MRPL30: variants seen among roughly 807,000 people sequenced by gnomAD.
The protein encoded by MRPL30 is large ribosomal subunit protein uL30m.
MRPL30 carries 10 observed loss-of-function variants against 17.2 expected under a neutral mutation model. The ratio of observed to expected loss-of-function variants is 0.58; its 90% confidence interval spans 0.36 to 0.99. The LOEUF (loss-of-function observed/expected upper bound fraction) is 0.99. MRPL30 is among the 50% of genes least tolerant of loss of function. The pLI is 0.01. For synonymous variants in MRPL30, 61 were observed against 62.1 expected, an observed-to-expected ratio of 0.98 and a Z score of 0.08; for missense variants, 170 against 189.8, an observed-to-expected ratio of 0.90 and a Z score of 0.61.
At chr2:99,184,392 A>T (rs1156862175) in intron 1 of MRPL30, among the ~76,000 whole-genome samples, 1 of 152,140 alleles carries the variant, frequency 6.6e-6, no homozygotes, top group Non-Finnish European at 1.5e-5. Context: ...GCCCATGTAT[A>T]TATGCATATC....
intron 1 of MRPL30, among the ~76,000 whole-genome samples, chr2:99,184,779 T>G (rs2093931219): frequency 1.3e-5 from 2 of 152,220 alleles, no homozygotes; most frequent in South Asian, 2.1e-4. Flanking sequence ...TAGGTTCAGT[T>G]GCTGAGGAAT....
intron 3 of MRPL30, among the ~76,000 whole-genome samples, chr2:99,188,835 G>A (rs963896455): frequency 6.6e-6 from 1 of 151,926 alleles, no homozygotes; most frequent in Admixed American, 6.6e-5. Flanking sequence ...AGAGTATCTG[G>A]GACCACAGGC....
intron 3 of MRPL30, among the ~76,000 whole-genome samples, chr2:99,190,732 A>G (rs2093943593): frequency 1.3e-5 from 2 of 152,196 alleles, no homozygotes; most frequent in Non-Finnish European, 2.9e-5. Context: ...AGGCAGGAGA[A>G]TAACACACAC....
intron 3 of MRPL30, among the ~76,000 whole-genome samples, chr2:99,189,215 A>G (rs954854681): frequency 6.6e-6 from 1 of 152,174 alleles, no homozygotes; most frequent in African/African-American, 2.4e-5. Context: ...GTTTTGACAA[A>G]TGCATAATGT....
chr2:99,186,832 A>G (rs973183644), intron 2 of MRPL30: 5 of 152,232 alleles, frequency 3.3e-5, no homozygotes, highest in African/African-American at 1.2e-4. Flanking sequence ...CAATAATAAA[A>G]TATTAGAAAA....
chr2:99,188,404 A>C, intron 3 of MRPL30, 147 bp downstream of exon 3: 1 of 641,112 alleles, frequency 1.6e-6, no homozygotes, highest in Admixed American at 3.3e-5. Context: ...AGTGGGATTT[A>C]TGTGAATGGT....
intron 3 of MRPL30, among the ~76,000 whole-genome samples, chr2:99,190,622 CA>C (rs1454355847): frequency 6.6e-6 from 1 of 152,178 alleles, no homozygotes; most frequent in Admixed American, 6.5e-5. Flanking sequence ...ATTCTTTCCA[CA>C]ACTATATTGT....
At position 99,184,294 on chromosome 2, in the gene MRPL30, A is replaced by G. The variant is rs114098406; in HGVS notation, c.-27-1883A>G. 1.3e-3 allele frequency among the ~76,000 whole-genome samples: 200 copies of G among 152,308 alleles called. 3 individuals are homozygous for G. Among genetic ancestry groups the G allele is most frequent in the African/African-American group, 4.5e-3 (188 of 41,564 alleles). ...TCTCAAAGGAGCACTGGTTCCTTTT[A>G]TTAAAGAATGCAGCCAAGATCTGGG... On this transcript the variant is annotated intron_variant, in intron 1 of 5. Transcript: ENST00000338148.
intron 1 of MRPL30, among the ~76,000 whole-genome samples, chr2:99,185,147 C>T (rs1438116088): frequency 6.6e-6 from 1 of 152,172 alleles, no homozygotes; most frequent in Non-Finnish European, 1.5e-5. Context: ...AGATTGCATG[C>T]TCCTTATAAG....
At chr2:99,186,859 G>A (rs1174726855) in intron 2 of MRPL30, 1 of 152,204 alleles carries the variant, frequency 6.6e-6, no homozygotes, top group Non-Finnish European at 1.5e-5. Context: ...AAAATCAGAA[G>A]GAAGAGAAAT....
chr2:99,196,408 C>T lies in MRPL30; in HGVS notation c.*703C>T, dbSNP rs1455973131. ...CTCGACCTCCCAGGCTCAAGTGATC[C>T]TCCCACCTCAGCCTCCAGAGTAGCT... On this transcript the variant is annotated 3_prime_UTR_variant, in exon 6 of 6. Transcript: ENST00000338148. The T allele has an allele frequency of 2.0e-5, 3 of 152,336 alleles. No homozygotes were observed. Among genetic ancestry groups the T allele is most frequent in the African/African-American group, 7.2e-5 (3 of 41,424 alleles). The allele number at this position is 152,336 out of a possible 1,614,324, so 9.4% of individuals were successfully genotyped here. A position where few individuals can be genotyped will look rare whatever the true frequency, so the allele number is the denominator to read the frequency against.
rs760891685 is a variant in MRPL30, at chr2:99,195,102, G to T, written c.280-14G>T. ...TTCAGATTGATAACGTTGCTTTGTTGTTGTTGTTCACAGGCACATACCCCT... is the reference window on the plus strand; with the variant it reads ...TTCAGATTGATAACGTTGCTTTGTTTTTGTTGTTCACAGGCACATACCCCT... On this transcript the variant is annotated splice_polypyrimidine_tract_variant and intron_variant, in intron 4 of 5. Transcript: ENST00000338148. The T allele has an allele frequency of 1.9e-6, 3 of 1,569,620 alleles. No homozygotes were observed. The highest frequency in any genetic ancestry group is 2.8e-5 in the African/African-American group (2 of 72,564).
At position 99,195,390 on chromosome 2, in the gene MRPL30, C is replaced by T. The variant is rs377308056; in HGVS notation, c.354-183C>T. ...TTCAATATATATAAAGTATAGTGAT[C>T]CGATCAGGGTAATTGGCATATCCAT... is the stretch of plus-strand genomic sequence containing the variant. On this transcript the variant is annotated intron_variant, in intron 5 of 5. Coordinates refer to ENST00000338148, the MANE Select transcript of MRPL30 (RefSeq NM_145212.4). 1.3e-5 allele frequency: 10 copies of T among 784,476 alleles called. No homozygotes were observed. In the East Asian group the frequency reaches 1.9e-4, roughly 15 times the overall value. 48.6% of individuals were successfully genotyped at this position (784,476 alleles called of 1,614,324 possible).
rs903689258 is a variant in MRPL30, at chr2:99,197,787, C to T, written c.*2082C>T. ...TCCTGAGCAGCTAGGACTACAGATA[C>T]ATGCCACCGCTCCCGGCTAGTATTT... On this transcript the variant is annotated 3_prime_UTR_variant, in exon 6 of 6. Coordinates refer to ENST00000338148, the MANE Select transcript of MRPL30 (RefSeq NM_145212.4). 6.6e-6 allele frequency among the ~76,000 whole-genome samples: 1 copy of T among 151,650 alleles called. No individual in the cohort carries two copies. Among genetic ancestry groups the T allele is most frequent in the Non-Finnish European group, 1.5e-5 (1 of 67,960 alleles).
intron 3 of MRPL30, among the ~76,000 whole-genome samples, chr2:99,193,252 T>C (rs1285767424): frequency 6.6e-6 from 1 of 152,048 alleles, no homozygotes; most frequent in Non-Finnish European, 1.5e-5. Context: ...ATTAGAGAAA[T>C]GCAAATCAAA....
At chr2:99,185,133 A>C (rs1204336870) in intron 1 of MRPL30, among the ~76,000 whole-genome samples, 2 of 152,178 alleles carry the variant, frequency 1.3e-5, no homozygotes, top group Non-Finnish European at 2.9e-5. Flanking sequence ...CATGCAAGGG[A>C]TCTAGATTGC....
intron 3 of MRPL30, among the ~76,000 whole-genome samples, chr2:99,193,786 C>G (rs568187354): frequency 6.6e-6 from 1 of 152,170 alleles, no homozygotes; most frequent in South Asian, 2.1e-4. Flanking sequence ...CACCTGTAAT[C>G]CTAGCACTTT....
chr2:99,192,059 C>T (rs1321776761), intron 3 of MRPL30, among the ~76,000 whole-genome samples: 1 of 152,124 alleles, frequency 6.6e-6, no homozygotes, highest in Non-Finnish European at 1.5e-5. Flanking sequence ...CTTAATCTTA[C>T]CCACCCCGAG....
At chr2:99,187,128 T>A (rs1349825655) in intron 2 of MRPL30, 1 of 152,264 alleles carries the variant, frequency 6.6e-6, no homozygotes, top group Non-Finnish European at 1.5e-5. Context: ...AAGTGTCTCA[T>A]GTCTCACAGC....
Sources: allele counts gnomAD v4.1 joint callset (sites outside exome capture counted in the v4.1 genomes callset), GRCh38; gene constraint gnomAD v4.1.1; transcripts MANE v1.5; gene names NCBI Gene and HGNC (gene_info 2026-07-23, HGNC 2026-07-21).